The following CCSER1 variants were observed in gnomAD, a reference collection of about 807,000 sequenced individuals.
CCSER1 encodes coiled-coil serine rich protein 1.
In CCSER1, 41 loss-of-function variants were observed where a neutral mutation model predicts 82.0. The observed-to-expected ratio is 0.50, with a 90% CI of 0.39 to 0.65. CCSER1 has a LOEUF of 0.65. Among genes scored for constraint, CCSER1 ranks in the 30% least tolerant of loss-of-function variants. CCSER1 has a pLI of 0.00. For synonymous variants in CCSER1, 414 were observed against 383.9 expected (o/e 1.08, Z -0.92); for missense variants, 1,119 against 1,064.2 (o/e 1.05, Z -0.72).
intron 1 of CCSER1, among the ~76,000 whole-genome samples, chr4:90,267,914 A>G (rs907892816): frequency 6.6e-6 from 1 of 152,188 alleles, no homozygotes; most frequent in African/African-American, 2.4e-5. Flanking sequence ...AATAGAAACA[A>G]ATAACCTACA....
chr4:91,459,309 T>C (rs1022981393), intron 10 of CCSER1, among the ~76,000 whole-genome samples: 2 of 152,114 alleles, frequency 1.3e-5, no homozygotes, highest in Admixed American at 1.3e-4. Flanking sequence ...ATATGCATAC[T>C]AGGAATGTGA....
intron 8 of CCSER1, among the ~76,000 whole-genome samples, chr4:90,919,399 G>T (rs527781980): frequency 1.3e-5 from 2 of 151,830 alleles, no homozygotes; most frequent in Non-Finnish European, 2.9e-5. Flanking sequence ...TATTAACAAA[G>T]TATCAGTTTG....
At chr4:91,305,078 C>T (rs1294355564) in intron 10 of CCSER1, among the ~76,000 whole-genome samples, 1 of 151,904 alleles carries the variant, frequency 6.6e-6, no homozygotes, top group Non-Finnish European at 1.5e-5. Flanking sequence ...TCTTTTCATT[C>T]TCCCTAAGAA....
chr4:90,270,537 C>G (rs1560915531), intron 1 of CCSER1, among the ~76,000 whole-genome samples: 1 of 152,068 alleles, frequency 6.6e-6, no homozygotes, highest in East Asian at 1.9e-4. Context: ...GAGCTAGTAT[C>G]ATACAGACTA....
intron 4 of CCSER1, among the ~76,000 whole-genome samples, chr4:90,417,372 C>A (rs1391335536): frequency 1.3e-5 from 2 of 151,552 alleles, no homozygotes; most frequent in East Asian, 3.9e-4. Flanking sequence ...AATTATTAAC[C>A]ATTAATATTA....
At chr4:91,349,801 T>C (rs1316913075) in intron 10 of CCSER1, among the ~76,000 whole-genome samples, 1 of 151,774 alleles carries the variant, frequency 6.6e-6, no homozygotes, top group Admixed American at 6.6e-5. Flanking sequence ...TAAGATTGAG[T>C]TCCCCTAGAA....
intron 10 of CCSER1, among the ~76,000 whole-genome samples, chr4:91,157,437 G>C (rs1274438584): frequency 1.3e-5 from 2 of 151,860 alleles, no homozygotes; most frequent in East Asian, 3.9e-4. Flanking sequence ...TGTTATTAGA[G>C]TCACAATTTT....
intron 8 of CCSER1, among the ~76,000 whole-genome samples, chr4:90,913,206 A>C (rs926478040): frequency 6.6e-6 from 1 of 152,168 alleles, no homozygotes; most frequent in Non-Finnish European, 1.5e-5. Flanking sequence ...AGTTAAAATG[A>C]AGGAAAAAAT....
intron 5 of CCSER1, among the ~76,000 whole-genome samples, chr4:90,565,358 T>G (rs1456594639): frequency 6.6e-6 from 1 of 152,220 alleles, no homozygotes; most frequent in Non-Finnish European, 1.5e-5. Context: ...ATGTTGATTT[T>G]GTATCCTGAA....
chr4:90,950,921 A>C (rs28685134), intron 9 of CCSER1, among the ~76,000 whole-genome samples: 8,728 of 152,160 alleles, frequency 0.057, 304 homozygotes, highest in Middle Eastern at 0.092. Context: ...AGCTAATCAC[A>C]AACTAGTGTG....
chr4:90,228,951 C>T (rs1743841922), intron 1 of CCSER1, among the ~76,000 whole-genome samples: 1 of 152,112 alleles, frequency 6.6e-6, no homozygotes, highest in South Asian at 2.1e-4. Context: ...AGCAAAGCCT[C>T]CAAGAAATAT....
intron 5 of CCSER1, among the ~76,000 whole-genome samples, chr4:90,520,166 CT>C (rs1457198540): frequency 1.3e-5 from 2 of 151,338 alleles, no homozygotes; most frequent in Non-Finnish European, 3.0e-5. Flanking sequence ...TAAATGGCAG[CT>C]TTTATTTCTG....
chr4:90,767,926 T>G (rs942212887), intron 7 of CCSER1, among the ~76,000 whole-genome samples: 9 of 152,106 alleles, frequency 5.9e-5, no homozygotes, highest in African/African-American at 2.2e-4. Context: ...GTGTTGGGAG[T>G]ATAGGCATGG....
chr4:91,344,059 A>G lies in CCSER1; in HGVS notation c.2218-254513A>G, dbSNP rs1164360590. On this transcript the variant is annotated intron_variant, in intron 10 of 10. Coordinates refer to ENST00000509176, the MANE Select transcript of CCSER1 (RefSeq NM_001145065.2). ...GGTTGGATGTTTGTGATCCCTCAAT[A>G]TTCATATGTTGAAACCTAATCCCTA... is the stretch of plus-strand genomic sequence containing the variant. 2.0e-5 allele frequency among the ~76,000 whole-genome samples: 3 copies of G among 152,188 alleles called. No individual in the cohort carries two copies. The East Asian group carries it at 5.8e-4, about 29-fold the overall frequency.
At chr4:90,457,721 C>T (rs1403329404) in intron 4 of CCSER1, among the ~76,000 whole-genome samples, 1 of 152,038 alleles carries the variant, frequency 6.6e-6, no homozygotes, top group African/African-American at 2.4e-5. Context: ...CATGGCTGGG[C>T]CCGGAAAAGG....
chr4:91,474,018 C>A (rs748386490), intron 10 of CCSER1, among the ~76,000 whole-genome samples: 1 of 152,022 alleles, frequency 6.6e-6, no homozygotes, highest in South Asian at 2.1e-4. Flanking sequence ...GTTGTGTATT[C>A]TTTAAGTTTC....
At chr4:91,518,193 A>T (rs1189036609) in intron 10 of CCSER1, among the ~76,000 whole-genome samples, 1 of 152,112 alleles carries the variant, frequency 6.6e-6, no homozygotes, top group East Asian at 1.9e-4. Flanking sequence ...AAAGGAAGCG[A>T]CCTTAGCAGT....
At chr4:90,903,911 A>C (rs1725056874) in intron 8 of CCSER1, among the ~76,000 whole-genome samples, 1 of 151,918 alleles carries the variant, frequency 6.6e-6, no homozygotes, top group Non-Finnish European at 1.5e-5. Context: ...ACATACATGA[A>C]TTTTTACCTT....
At chr4:90,700,023 A>G (rs950898997) in intron 6 of CCSER1, among the ~76,000 whole-genome samples, 3 of 151,840 alleles carry the variant, frequency 2.0e-5, no homozygotes, top group African/African-American at 7.3e-5. Flanking sequence ...GTTCTAGGGT[A>G]CATGTGTACG....
Sources: allele counts gnomAD v4.1 joint callset (sites outside exome capture counted in the v4.1 genomes callset), GRCh38; gene constraint gnomAD v4.1.1; transcripts MANE v1.5; gene names NCBI Gene and HGNC (gene_info 2026-07-23, HGNC 2026-07-21).